CTNNA2: variants seen among roughly 807,000 people sequenced by gnomAD.
CTNNA2 encodes catenin alpha 2.
CTNNA2 carries 42 observed loss-of-function variants against 101.0 expected under a neutral mutation model. The observed-to-expected ratio is 0.42, with a 90% confidence interval of 0.32 to 0.54. The LOEUF (loss-of-function observed/expected upper bound fraction) is 0.54, where lower values mean the gene tolerates loss of function less well. Among genes scored for constraint, CTNNA2 ranks in the 20% least tolerant of loss-of-function variants. CTNNA2 has a pLI of 0.14. For synonymous variants in CTNNA2, 450 were observed against 456.4 expected (o/e 0.99, Z 0.18); for missense variants, 871 against 1,223.1 (o/e 0.71, Z 4.29).
intron 3 of CTNNA2, among the ~76,000 whole-genome samples, chr2:79,775,825 G>A (rs1673922003): frequency 6.6e-6 from 1 of 152,180 alleles, no homozygotes; most frequent in African/African-American, 2.4e-5. Context: ...GCACTCTTCA[G>A]TGGTCATGAG....
At chr2:79,888,354 C>G (rs1684048985) in intron 6 of CTNNA2, among the ~76,000 whole-genome samples, 1 of 152,106 alleles carries the variant, frequency 6.6e-6, no homozygotes, top group African/African-American at 2.4e-5. Context: ...GCCCAGAAAT[C>G]TCTTTCCGGG....
At chr2:80,363,556 C>G (rs1674627759) in intron 7 of CTNNA2, among the ~76,000 whole-genome samples, 1 of 152,012 alleles carries the variant, frequency 6.6e-6, no homozygotes, top group Non-Finnish European at 1.5e-5. Flanking sequence ...ATTGGTGAGG[C>G]CCTAATTATT....
chr2:79,868,577 G>T (rs140678829), intron 4 of CTNNA2, among the ~76,000 whole-genome samples: 21 of 152,322 alleles, frequency 1.4e-4, no homozygotes, highest in African/African-American at 4.8e-4. Flanking sequence ...ATAATCTATG[G>T]TTATTTTCAG....
At chr2:79,713,310 G>A (rs1685860771) in intron 2 of CTNNA2, among the ~76,000 whole-genome samples, 1 of 152,162 alleles carries the variant, frequency 6.6e-6, no homozygotes, top group Non-Finnish European at 1.5e-5. Context: ...GCCGGGAACT[G>A]TGGCTTATGC....
intron 7 of CTNNA2, among the ~76,000 whole-genome samples, chr2:80,287,682 C>T (rs928181434): frequency 1.3e-5 from 2 of 152,164 alleles, no homozygotes; most frequent in South Asian, 2.1e-4. Context: ...GGGGTTGAGT[C>T]GTTTGCTCTG....
At chr2:80,404,692 A>C (rs1408882266) in intron 8 of CTNNA2, among the ~76,000 whole-genome samples, 3 of 152,184 alleles carry the variant, frequency 2.0e-5, no homozygotes, top group Non-Finnish European at 2.9e-5. Flanking sequence ...GGTGGAAGGG[A>C]CACTATGGGT....
intron 7 of CTNNA2, among the ~76,000 whole-genome samples, chr2:80,027,361 A>C (rs1694993564): frequency 6.6e-6 from 1 of 152,144 alleles, no homozygotes; most frequent in Non-Finnish European, 1.5e-5. Flanking sequence ...GGGTGTGGAG[A>C]GGTGCAAGGT....
At chr2:79,290,826 C>G (rs1038477443) in intron 2 of CTNNA2, among the ~76,000 whole-genome samples, 1 of 152,142 alleles carries the variant, frequency 6.6e-6, no homozygotes, top group Non-Finnish European at 1.5e-5. Flanking sequence ...ATGTGTGATC[C>G]AAATCTTCTG....
chr2:80,167,626 T>C (rs1209922288), intron 7 of CTNNA2, among the ~76,000 whole-genome samples: 1 of 152,234 alleles, frequency 6.6e-6, no homozygotes, highest in Admixed American at 6.5e-5. Flanking sequence ...ATCATTGTTC[T>C]AACCAAAATT....
chr2:80,236,050 G>C (rs1709535511), intron 7 of CTNNA2, among the ~76,000 whole-genome samples: 1 of 152,168 alleles, frequency 6.6e-6, no homozygotes, highest in South Asian at 2.1e-4. Context: ...TTATAAGTGA[G>C]AACATGCAGT....
chr2:79,259,558 G>T (rs183546584), intron 2 of CTNNA2, among the ~76,000 whole-genome samples: 12 of 152,290 alleles, frequency 7.9e-5, no homozygotes, highest in Non-Finnish European at 1.6e-4. Flanking sequence ...CACAGCTGAG[G>T]ATGATTTTAT....
intron 18 of CTNNA2, among the ~76,000 whole-genome samples, chr2:80,638,023 CAT>C (rs753766731): frequency 1.3e-5 from 2 of 152,116 alleles, no homozygotes; most frequent in South Asian, 4.1e-4. Context: ...TTTATGAAAA[CAT>C]ATTTCTCATG....
chr2:80,080,084 C>T (rs1020129576), intron 7 of CTNNA2, among the ~76,000 whole-genome samples: 16 of 152,022 alleles, frequency 1.1e-4, no homozygotes, highest in Admixed American at 2.6e-4. Context: ...TCAAGTGTGG[C>T]GGAGACTGGT....
intron 7 of CTNNA2, among the ~76,000 whole-genome samples, chr2:80,191,579 T>G (rs932694599): frequency 3.9e-5 from 6 of 152,216 alleles, no homozygotes; most frequent in African/African-American, 1.2e-4. Flanking sequence ...AATCAAGTAA[T>G]CTCAGTATAT....
chr2:79,850,500 A>C (rs935726419), intron 3 of CTNNA2, among the ~76,000 whole-genome samples: 6 of 151,932 alleles, frequency 3.9e-5, no homozygotes, highest in African/African-American at 1.5e-4. Flanking sequence ...AAACTGAATA[A>C]CATAATTTAC....
intron 2 of CTNNA2, among the ~76,000 whole-genome samples, chr2:79,198,774 C>T (rs1673995200): frequency 7.6e-6 from 1 of 131,776 alleles, no homozygotes; most frequent in Non-Finnish European, 1.7e-5. Flanking sequence ...GTAAACAAAC[C>T]AACTATTCAT....
At chr2:80,362,550 TG>T (rs1282217817) in intron 7 of CTNNA2, among the ~76,000 whole-genome samples, 2 of 152,090 alleles carry the variant, frequency 1.3e-5, no homozygotes. Flanking sequence ...AAAACTCACT[TG>T]TCATTTTAGA....
At chr2:80,124,717 G>GTTGCCATGCA (rs1259691646) in intron 7 of CTNNA2, among the ~76,000 whole-genome samples, 1 of 152,134 alleles carries the variant, frequency 6.6e-6, no homozygotes, top group African/African-American at 2.4e-5. Context: ...AATGTACAGC[G>GTTGCCATGCA]TTGCCATGCA....
intron 2 of CTNNA2, among the ~76,000 whole-genome samples, chr2:79,735,924 C>G (rs1223654709): frequency 6.6e-6 from 1 of 152,100 alleles, no homozygotes; most frequent in Non-Finnish European, 1.5e-5. Context: ...ATTAAAAGAT[C>G]ATTGTTTCTG....
Sources: allele counts gnomAD v4.1 joint callset (sites outside exome capture counted in the v4.1 genomes callset), GRCh38; gene constraint gnomAD v4.1.1; transcripts MANE v1.5; gene names NCBI Gene and HGNC (gene_info 2026-07-23, HGNC 2026-07-21).